Variants in MAGI3 observed in about 807,000 individuals in gnomAD.
The protein encoded by MAGI3 is membrane associated guanylate kinase, WW and PDZ domain containing 3, also known as membrane-associated guanylate kinase, WW and PDZ domain-containing protein 3.
A neutral mutation model predicts 121.8 loss-of-function variants in MAGI3; 43 were observed. That is an observed-to-expected ratio of 0.35 (90% CI 0.28 to 0.46). The LOEUF (loss-of-function observed/expected upper bound fraction) is 0.46. Ranked by LOEUF, MAGI3 falls within the 20% of genes least tolerant of loss-of-function variation. The pLI is 1.00. For synonymous variants in MAGI3, 553 were observed against 639.3 expected (o/e 0.86, Z 2.04); for missense variants, 1,547 against 1,797.3 (o/e 0.86, Z 2.52).
intron 1 of MAGI3, among the ~76,000 whole-genome samples, chr1:113,461,135 A>G (rs1436977852): frequency 6.6e-6 from 1 of 152,230 alleles, no homozygotes; most frequent in Non-Finnish European, 1.5e-5. Flanking sequence ...AAGACCCCAT[A>G]TCATTAAAAT....
intron 16 of MAGI3, 38 bp from the exon 17 acceptor site, chr1:113,671,696 T>C (rs748877151): frequency 2.5e-6 from 4 of 1,601,972 alleles, no homozygotes; most frequent in Admixed American, 3.3e-5. Flanking sequence ...CATTTTTATG[T>C]ACAAATTCTT....
intron 1 of MAGI3, among the ~76,000 whole-genome samples, chr1:113,477,955 T>C (rs1399391515): frequency 6.6e-6 from 1 of 152,218 alleles, no homozygotes; most frequent in Non-Finnish European, 1.5e-5. Context: ...TAACTTTGTT[T>C]TCTTGCTTTA....
At chr1:113,494,631 C>T (rs1393600374) in intron 1 of MAGI3, among the ~76,000 whole-genome samples, 7 of 152,074 alleles carry the variant, frequency 4.6e-5, no homozygotes, top group Non-Finnish European at 5.9e-5. Flanking sequence ...TAGGCAGAAA[C>T]TGAAATTATT....
At chr1:113,417,263 G>A (rs536244734) in intron 1 of MAGI3, among the ~76,000 whole-genome samples, 39 of 152,112 alleles carry the variant, frequency 2.6e-4, no homozygotes, top group African/African-American at 8.9e-4. Flanking sequence ...CCTCCCTGTA[G>A]GTTGGTGATC....
At position 113,507,204 on chromosome 1, in the gene MAGI3, T is replaced by C. The variant is rs191492718; in HGVS notation, c.317-42311T>C. On this transcript the variant is annotated intron_variant, in intron 1 of 20. Transcript: ENST00000307546. ...ATAATTAAACTATCTCTTGGAAAATTGGGATACACTATGAGGTAGCTGCTG... is the reference window on the plus strand; with the variant it reads ...ATAATTAAACTATCTCTTGGAAAATCGGGATACACTATGAGGTAGCTGCTG... Among the ~76,000 whole-genome samples the C allele has an allele frequency of 2.4e-3, 365 of 152,204 alleles. 1 individual carries two copies. The highest frequency in any genetic ancestry group is 3.6e-3 in the Non-Finnish European group (245 of 68,002).
At chr1:113,461,222 G>T (rs979694161) in intron 1 of MAGI3, among the ~76,000 whole-genome samples, 3 of 152,110 alleles carry the variant, frequency 2.0e-5, no homozygotes, top group African/African-American at 7.2e-5. Flanking sequence ...CACAGAACTA[G>T]AAAAAACTAG....
At chr1:113,660,355 C>G (rs1013294818) in intron 16 of MAGI3, among the ~76,000 whole-genome samples, 7 of 152,028 alleles carry the variant, frequency 4.6e-5, no homozygotes, top group African/African-American at 1.7e-4. Context: ...CACTGCTTCC[C>G]CACTCTCTGC....
At chr1:113,651,803 G>GT (rs991911393) in intron 14 of MAGI3, among the ~76,000 whole-genome samples, 33 of 151,034 alleles carry the variant, frequency 2.2e-4, no homozygotes, top group African/African-American at 5.4e-4. Flanking sequence ...AATTTGTTTT[G>GT]TTTTTTTTTA....
Position 113,424,886 on chromosome 1 carries a change from C to T in MAGI3, c.316+33537C>T, listed in dbSNP as rs559131935. Among the ~76,000 whole-genome samples the T allele has an allele frequency of 3.2e-3, 495 of 152,314 alleles. 1 individual carries two copies. The highest frequency in any genetic ancestry group is 0.011 in the African/African-American group (437 of 41,564). On this transcript the variant is annotated intron_variant, in intron 1 of 20. Coordinates refer to ENST00000307546, the MANE Select transcript of MAGI3 (RefSeq NM_001142782.2). ...TGGTGGCTCACGCCTGTAATCCCAGCACTTTGGGGGGCCAAGGTGGGTGGA... is the reference window on the plus strand; with the variant it reads ...TGGTGGCTCACGCCTGTAATCCCAGTACTTTGGGGGGCCAAGGTGGGTGGA...
intron 2 of MAGI3, among the ~76,000 whole-genome samples, chr1:113,577,291 T>C (rs978268832): frequency 3.9e-5 from 6 of 152,160 alleles, no homozygotes; most frequent in Non-Finnish European, 8.8e-5. Context: ...GACTTGGCCA[T>C]TGAGTTCAGC....
chr1:113,678,592 A>G (rs1648020569), intron 19 of MAGI3, among the ~76,000 whole-genome samples: 1 of 152,178 alleles, frequency 6.6e-6, no homozygotes, highest in Non-Finnish European at 1.5e-5. Context: ...ATTTTTTTGC[A>G]TTGTATAGAA....
At chr1:113,477,495 T>C (rs1200368234) in intron 1 of MAGI3, among the ~76,000 whole-genome samples, 1 of 152,222 alleles carries the variant, frequency 6.6e-6, no homozygotes, top group African/African-American at 2.4e-5. Flanking sequence ...AAGCTTATTT[T>C]GGCTGGATAT....
intron 1 of MAGI3, among the ~76,000 whole-genome samples, chr1:113,407,475 T>A (rs541320807): frequency 3.3e-5 from 5 of 152,190 alleles, no homozygotes; most frequent in African/African-American, 1.2e-4. Context: ...AGATTTTTTG[T>A]GTGAAGGAGA....
rs767565078 is a variant in MAGI3, at chr1:113,671,673, C to T, written c.2816-61C>T. 2.9e-4 allele frequency: 437 copies of T among 1,506,474 alleles called. 1 individual carries two copies. The highest frequency in any genetic ancestry group is 1.8e-4 in the Non-Finnish European group (194 of 1,088,428). The allele number at this position is 1,506,474 out of a possible 1,614,324, so 93.3% of individuals were successfully genotyped here. On this transcript the variant is annotated intron_variant, in intron 16 of 20. Coordinates refer to ENST00000307546, the MANE Select transcript of MAGI3 (RefSeq NM_001142782.2). ...TGTTATTGTCTCACCTTCACAGATC[C>T]GCTTGGCCTTCACATTTTTATGTAC...
intron 19 of MAGI3, 50 bp from the exon 20 acceptor site, chr1:113,681,148 T>C (rs1247092462): frequency 6.3e-7 from 1 of 1,584,532 alleles, no homozygotes; most frequent in Non-Finnish European, 8.6e-7. Context: ...AAGCAGAATT[T>C]ACAAAGGATG....
At chr1:113,424,647 C>T (rs1557749999) in intron 1 of MAGI3, among the ~76,000 whole-genome samples, 1 of 152,122 alleles carries the variant, frequency 6.6e-6, no homozygotes, top group Non-Finnish European at 1.5e-5. Flanking sequence ...TTTTTCATTA[C>T]TGAGTAGTAT....
chr1:113,662,535 C>T (rs1316887199), intron 16 of MAGI3, among the ~76,000 whole-genome samples: 2 of 152,168 alleles, frequency 1.3e-5, no homozygotes, highest in Admixed American at 6.5e-5. Flanking sequence ...GGCTACCAAG[C>T]ACTCCTGTTG....
rs1440417451 is a variant in MAGI3, at chr1:113,413,034, C to G, written c.316+21685C>G. On this transcript the variant is annotated intron_variant, in intron 1 of 20. Coordinates refer to ENST00000307546, the MANE Select transcript of MAGI3 (RefSeq NM_001142782.2). ...AGGCCTAACATTTAAGTCTTTAATC[C>G]ATCTTGAATTAATTTTTGTATAAGG... is the stretch of plus-strand genomic sequence containing the variant. Among the ~76,000 whole-genome samples the G allele has an allele frequency of 7.9e-5, 12 of 152,160 alleles. No homozygotes were observed. The East Asian group carries it at 2.3e-3, about 29-fold the overall frequency.
intron 16 of MAGI3, among the ~76,000 whole-genome samples, chr1:113,660,478 C>A (rs986798009): frequency 2.6e-5 from 4 of 151,990 alleles, no homozygotes; most frequent in Admixed American, 1.3e-4. Flanking sequence ...GGCCTTCCCC[C>A]GCAACCGCAA....
Sources: gnomAD v4.1 joint callset for allele counts (sites outside exome capture counted in the v4.1 genomes callset) on GRCh38, gnomAD v4.1.1 for gene constraint, MANE v1.5 for transcripts, NCBI Gene and HGNC (gene_info 2026-07-23, HGNC 2026-07-21) for gene names.